Variants in FER observed in about 807,000 individuals in gnomAD.
FER encodes the protein tyrosine-protein kinase Fer.
Under a neutral mutation model 111.0 loss-of-function variants are expected in FER, and 63 were observed. The observed-to-expected ratio is 0.57, with a 90% CI of 0.46 to 0.70. The LOEUF (loss-of-function observed/expected upper bound fraction) is 0.70. Ranked by LOEUF, FER falls within the 30% of genes least tolerant of loss-of-function variation. The probability of loss-of-function intolerance (pLI) is 0.00; values close to 1 mark genes in which losing one functional copy is unlikely to be tolerated. For synonymous variants in FER, 327 were observed against 313.9 expected, an observed-to-expected ratio of 1.04 and a Z score of -0.44; for missense variants, 914 against 954.0, an observed-to-expected ratio of 0.96 and a Z score of 0.55.
At chr5:108,860,600 G>GA (rs1763422020) in intron 5 of FER, among the ~76,000 whole-genome samples, 1 of 152,034 alleles carries the variant, frequency 6.6e-6, no homozygotes. Flanking sequence ...ACTTCCATGT[G>GA]AAAAAAACAT....
intron 10 of FER, among the ~76,000 whole-genome samples, chr5:108,906,334 A>G (rs1196499538): frequency 6.6e-6 from 1 of 152,146 alleles, no homozygotes; most frequent in Non-Finnish European, 1.5e-5. Context: ...TTAAGCATAA[A>G]TCCTTCCTTT....
chr5:108,933,948 T>C (rs1755073807), intron 10 of FER, among the ~76,000 whole-genome samples: 1 of 152,196 alleles, frequency 6.6e-6, no homozygotes, highest in African/African-American at 2.4e-5. Flanking sequence ...GTACACTGAT[T>C]TTGTATCCTG....
intron 17 of FER, among the ~76,000 whole-genome samples, chr5:109,129,533 T>C (rs750082307): frequency 8.6e-5 from 13 of 152,038 alleles, no homozygotes; most frequent in Non-Finnish European, 1.9e-4. Flanking sequence ...CCAGTCACTG[T>C]TAAATGATGA....
chr5:109,079,497 A>G (rs531214134), intron 16 of FER, among the ~76,000 whole-genome samples: 2 of 152,262 alleles, frequency 1.3e-5, no homozygotes, highest in South Asian at 2.1e-4. Flanking sequence ...ATATTAGACC[A>G]TATTTACTGA....
At chr5:109,018,357 TAATTC>T (rs1298721735) in intron 13 of FER, among the ~76,000 whole-genome samples, 1 of 151,904 alleles carries the variant, frequency 6.6e-6, no homozygotes, top group Admixed American at 6.6e-5. Context: ...AACTGATCAA[TAATTC>T]AATATGGCTT....
intron 17 of FER, among the ~76,000 whole-genome samples, chr5:109,120,756 C>T (rs958370474): frequency 1.3e-5 from 2 of 151,574 alleles, no homozygotes; most frequent in African/African-American, 2.4e-5. Context: ...TTTCATTTTT[C>T]GTGTTCAATT....
At chr5:108,994,397 T>C (rs528355961) in intron 13 of FER, among the ~76,000 whole-genome samples, 8 of 152,266 alleles carry the variant, frequency 5.3e-5, no homozygotes, top group African/African-American at 1.9e-4. Flanking sequence ...TTTTGCCAGG[T>C]TTGTCGAAGA....
At chr5:109,028,073 G>T (rs1433814899) in intron 13 of FER, among the ~76,000 whole-genome samples, 1 of 152,070 alleles carries the variant, frequency 6.6e-6, no homozygotes, top group African/African-American at 2.4e-5. Flanking sequence ...CATTTATCTA[G>T]TGGAAATAAG....
intron 13 of FER, among the ~76,000 whole-genome samples, chr5:109,016,788 G>A (rs532533764): frequency 1.3e-5 from 2 of 152,134 alleles, no homozygotes; most frequent in South Asian, 4.1e-4. Context: ...ACAGAATTAA[G>A]TTCCTCTCAG....
intron 9 of FER, among the ~76,000 whole-genome samples, chr5:108,890,408 T>C (rs1747845680): frequency 6.6e-6 from 1 of 152,044 alleles, no homozygotes; most frequent in Non-Finnish European, 1.5e-5. Flanking sequence ...TAATGAGGTG[T>C]TGGCAGTGTT....
At chr5:109,039,413 G>A (rs745903821) in intron 14 of FER, among the ~76,000 whole-genome samples, 9 of 151,928 alleles carry the variant, frequency 5.9e-5, no homozygotes, top group African/African-American at 9.7e-5. Flanking sequence ...TTTCTCTTAC[G>A]GAGCTTAATA....
intron 17 of FER, among the ~76,000 whole-genome samples, chr5:109,151,895 G>A (rs992591506): frequency 2.6e-5 from 4 of 152,066 alleles, no homozygotes; most frequent in Non-Finnish European, 5.9e-5. Flanking sequence ...ATTATTTTTA[G>A]CTCCACAAAG....
At chr5:108,756,090 G>A (rs1340642898) in intron 1 of FER, among the ~76,000 whole-genome samples, 1 of 149,972 alleles carries the variant, frequency 6.7e-6, no homozygotes, top group Non-Finnish European at 1.5e-5. Flanking sequence ...GGAGGTGGAG[G>A]TTGCGGTGAG....
chr5:109,052,777 C>T (rs569653348), intron 16 of FER, among the ~76,000 whole-genome samples: 3 of 152,240 alleles, frequency 2.0e-5, no homozygotes, highest in African/African-American at 7.2e-5. Flanking sequence ...TCATAGGGAT[C>T]CAGGTATTAG....
chr5:109,170,799 G>C (rs898918048), intron 17 of FER, among the ~76,000 whole-genome samples: 12 of 152,138 alleles, frequency 7.9e-5, no homozygotes, highest in Non-Finnish European at 1.5e-4. Flanking sequence ...TTCATTAGCT[G>C]CTGACACCCA....
chr5:108,886,960 T>C (rs1171609649), intron 9 of FER, among the ~76,000 whole-genome samples: 16 of 151,792 alleles, frequency 1.1e-4, no homozygotes, highest in Non-Finnish European at 8.8e-5. Flanking sequence ...TGCATTTTAA[T>C]TTCTTAATAT....
At position 109,192,771 on chromosome 5, in the gene FER, C is replaced by A. The variant is rs1215416289; in HGVS notation, c.*5196C>A. 1 of 152,116 alleles carries A rather than the reference C, an allele frequency of 6.6e-6. No homozygotes were observed. Among genetic ancestry groups the A allele is most frequent in the Non-Finnish European group, 1.5e-5 (1 of 68,012 alleles). The allele number at this position is 152,116 out of a possible 1,614,324, so 9.4% of individuals were successfully genotyped here. On this transcript the variant is annotated 3_prime_UTR_variant, in exon 20 of 20. Transcript: ENST00000281092. ...ACTAAATGGCTCCTAGAGTTACCCA[C>A]AGAGGGAGCTTACTATGATGAGAGC...
chr5:108,971,947 T>C (rs1212967456), intron 13 of FER, among the ~76,000 whole-genome samples: 1 of 152,104 alleles, frequency 6.6e-6, no homozygotes, highest in African/African-American at 2.4e-5. Context: ...TAATGAATTG[T>C]TGAAGTTTTT....
intron 2 of FER, among the ~76,000 whole-genome samples, chr5:108,780,448 C>A (rs939608867): frequency 2.6e-5 from 4 of 150,948 alleles, no homozygotes; most frequent in Admixed American, 6.6e-5. Flanking sequence ...TCCCTTCTTG[C>A]TTATATGGTT....
Sources: gnomAD v4.1 joint callset for allele counts (sites outside exome capture counted in the v4.1 genomes callset) on GRCh38, gnomAD v4.1.1 for gene constraint, MANE v1.5 for transcripts, NCBI Gene and HGNC (gene_info 2026-07-23, HGNC 2026-07-21) for gene names.